The following SLC24A3 variants were observed in gnomAD, a reference collection of about 807,000 sequenced individuals.
SLC24A3 encodes the protein sodium/potassium/calcium exchanger 3.
In SLC24A3, 28 loss-of-function variants were observed where a neutral mutation model predicts 75.8. The observed-to-expected ratio is 0.37, with a 90% CI of 0.27 to 0.51. The LOEUF (loss-of-function observed/expected upper bound fraction) is 0.51. SLC24A3 is among the 20% of genes least tolerant of loss of function. The probability of loss-of-function intolerance (pLI) is 0.94; values close to 1 mark genes in which losing one functional copy is unlikely to be tolerated. For synonymous variants in SLC24A3, 372 were observed against 334.1 expected, an observed-to-expected ratio of 1.11 and a Z score of -1.24; for missense variants, 663 against 847.8, an observed-to-expected ratio of 0.78 and a Z score of 2.71.
In SLC24A3 at chr20:19,212,897, C is replaced by G. The variant is rs779398514; in HGVS notation, c.55C>G (p.Arg19Gly). 7.6e-7 allele frequency: 1 copy of G among 1,323,098 alleles called. No individual in the cohort carries two copies. Among genetic ancestry groups the G allele is most frequent in the African/African-American group, 1.5e-5 (1 of 66,374 alleles). 82.0% of individuals were successfully genotyped at this position (1,323,098 alleles called of 1,614,324 possible). Residue 19 changes from arginine to glycine, a missense_variant, in exon 1 of 17, where the codon CGG (arginine) becomes GGG (glycine). Arg to Gly is a moderately radical substitution (Grantham distance 125). Coordinates refer to ENST00000328041, the MANE Select transcript of SLC24A3 (RefSeq NM_020689.4). ...RARRRRRRRRRRDLLLSQLCF... is the reference protein window; with the variant it reads ...RARRRRRRRRGRDLLLSQLCF... The stretch of plus-strand genomic sequence containing the variant: ...GCGTCGCCGCCGCCGCCGCCGCCGC[C>G]GGAGGGACCTTCTGCTGAGCCAGCT...
intron 2 of SLC24A3, among the ~76,000 whole-genome samples, chr20:19,447,565 CAAAAT>C (rs1271755170): frequency 3.3e-5 from 5 of 151,914 alleles, no homozygotes; most frequent in African/African-American, 9.7e-5. Flanking sequence ...TACACACACA[CAAAAT>C]AAAATAAAAC....
chr20:19,681,956 G>A lies in SLC24A3; in HGVS notation c.866G>A (p.Ser289Asn). ...LANNAEIDDS[S>N]NCDATVVLLK... ...AACAATGCTGAAATTGATGACAGCA[G>A]CAACTGCGACGCAACTGTGGTGCTA... The change falls in exon 10 of 17, where the codon AGC becomes AAC. Residue 289 changes from serine to asparagine, a missense_variant. Ser to Asn is a conservative substitution (Grantham distance 46). Coordinates refer to ENST00000328041, the MANE Select transcript of SLC24A3 (RefSeq NM_020689.4). 2.5e-6 allele frequency: 4 copies of A among 1,614,202 alleles called. No homozygotes were observed. The highest frequency in any genetic ancestry group is 3.4e-6 in the Non-Finnish European group (4 of 1,180,036).
chr20:19,360,657 A>G (rs189643417), intron 2 of SLC24A3, among the ~76,000 whole-genome samples: 1 of 152,256 alleles, frequency 6.6e-6, no homozygotes, highest in Non-Finnish European at 1.5e-5. Context: ...ATGTCTACAC[A>G]TAACAACATG....
chr20:19,502,749 G>A (rs1008959582), intron 2 of SLC24A3, among the ~76,000 whole-genome samples: 1 of 151,296 alleles, frequency 6.6e-6, no homozygotes, highest in Non-Finnish European at 1.5e-5. Context: ...ATTAATAGAA[G>A]ACCGGGTGCA....
intron 2 of SLC24A3, among the ~76,000 whole-genome samples, chr20:19,314,269 TTTTA>T (rs1259365057): frequency 1.7e-4 from 25 of 149,956 alleles, no homozygotes; most frequent in African/African-American, 5.9e-4. Flanking sequence ...CTTTTTTTGT[TTTTA>T]TTTATTTATT....
chr20:19,714,714 C>G (rs2033026348), intron 15 of SLC24A3, among the ~76,000 whole-genome samples: 1 of 152,224 alleles, frequency 6.6e-6, no homozygotes, highest in Non-Finnish European at 1.5e-5. Flanking sequence ...AGCAACTCCA[C>G]AAAAGAGTGA....
intron 7 of SLC24A3, among the ~76,000 whole-genome samples, chr20:19,664,205 C>T (rs573772971): frequency 6.6e-6 from 1 of 152,258 alleles, no homozygotes; most frequent in African/African-American, 2.4e-5. Context: ...ATTTGATCTG[C>T]TCCATGATTT....
At chr20:19,364,368 G>A (rs898662087) in intron 2 of SLC24A3, among the ~76,000 whole-genome samples, 3 of 152,102 alleles carry the variant, frequency 2.0e-5, no homozygotes, top group African/African-American at 7.2e-5. Flanking sequence ...GTTGATCTCA[G>A]GGCAACCTTA....
chr20:19,478,681 G>A (rs115182979), intron 2 of SLC24A3, among the ~76,000 whole-genome samples: 2,559 of 152,228 alleles, frequency 0.017, 75 homozygotes, highest in African/African-American at 0.056. Flanking sequence ...GACCACACTC[G>A]AGAGCTTTTA....
At chr20:19,693,675 G>T in intron 13 of SLC24A3, 1 of 412,380 alleles carries the variant, frequency 2.4e-6, no homozygotes, top group Non-Finnish European at 4.3e-6. Flanking sequence ...CAGGCTTCAG[G>T]GTGGTCATGT....
intron 2 of SLC24A3, among the ~76,000 whole-genome samples, chr20:19,401,944 T>C (rs902813873): frequency 6.6e-6 from 1 of 152,184 alleles, no homozygotes; most frequent in Non-Finnish European, 1.5e-5. Flanking sequence ...CACTTCACTG[T>C]CTCATTTCTC....
At chr20:19,473,362 C>T (rs1987905994) in intron 2 of SLC24A3, among the ~76,000 whole-genome samples, 1 of 152,204 alleles carries the variant, frequency 6.6e-6, no homozygotes, top group Admixed American at 6.5e-5. Context: ...GTTCAGAACT[C>T]TAGATTCCTA....
rs372501665 is a variant in SLC24A3 at position 19,274,212 on chromosome 20, A to G, written c.143-6747A>G. Among the ~76,000 whole-genome samples, 305 of 150,862 alleles carry G rather than the reference A, an allele frequency of 2.0e-3. 9 individuals are homozygous for G. The South Asian group carries it at 0.06, about 30-fold the overall frequency. On this transcript the variant is annotated intron_variant, in intron 1 of 16. Coordinates refer to ENST00000328041, the MANE Select transcript of SLC24A3 (RefSeq NM_020689.4). ...TGATTGCCGCCGCTGAGTTGGGGAC[A>G]TTAGAGGGAGACCTTGACCCAGCCC... is the stretch of plus-strand genomic sequence containing the variant.
At chr20:19,639,647 G>C (rs1386333079) in intron 6 of SLC24A3, among the ~76,000 whole-genome samples, 3 of 152,252 alleles carry the variant, frequency 2.0e-5, no homozygotes, top group African/African-American at 7.2e-5. Flanking sequence ...TCAGCCCTTG[G>C]GTGGTCGATG....
At chr20:19,691,738 C>T (rs141951012) in intron 12 of SLC24A3, among the ~76,000 whole-genome samples, 213 of 152,252 alleles carry the variant, frequency 1.4e-3, no homozygotes, top group Non-Finnish European at 2.7e-3. Context: ...AGAATGACTC[C>T]CAGGATTTTG....
intron 2 of SLC24A3, among the ~76,000 whole-genome samples, chr20:19,496,293 A>G (rs1412570984): frequency 1.3e-5 from 2 of 152,198 alleles, no homozygotes; most frequent in East Asian, 3.9e-4. Context: ...TGGAGTCTCA[A>G]CAGGAAATGT....
At chr20:19,427,232 G>A (rs1987025274) in intron 2 of SLC24A3, among the ~76,000 whole-genome samples, 1 of 152,146 alleles carries the variant, frequency 6.6e-6, no homozygotes, top group African/African-American at 2.4e-5. Context: ...GGGGCTGGCA[G>A]CAGTGAGACA....
chr20:19,552,108 A>G (rs1018689486), intron 3 of SLC24A3, among the ~76,000 whole-genome samples: 1 of 152,162 alleles, frequency 6.6e-6, no homozygotes, highest in Non-Finnish European at 1.5e-5. Flanking sequence ...CCGTCTTTGA[A>G]TCTTTCATTG....
chr20:19,685,716 GAGGAGAT>G (rs775216308), intron 12 of SLC24A3, among the ~76,000 whole-genome samples: 7 of 152,210 alleles, frequency 4.6e-5, no homozygotes, highest in Non-Finnish European at 7.3e-5. Context: ...TGCTGCAGCT[GAGGAGAT>G]AGGAGATCAG....
Sources: gnomAD v4.1 joint callset for allele counts (sites outside exome capture counted in the v4.1 genomes callset) on GRCh38, gnomAD v4.1.1 for gene constraint, MANE v1.5 for transcripts, NCBI Gene and HGNC (gene_info 2026-07-23, HGNC 2026-07-21) for gene names.